Variants in CHIA observed in about 807,000 individuals in gnomAD.
CHIA encodes acidic mammalian chitinase.
Under a neutral mutation model 53.5 loss-of-function variants are expected in CHIA, and 47 were observed. That is an observed-to-expected ratio of 0.88 (90% CI 0.70 to 1.12). CHIA has a LOEUF of 1.12. CHIA is among the 50% of genes most tolerant of loss of function. The pLI, the probability that CHIA is intolerant of heterozygous loss-of-function variation, is 0.00. For missense variants in CHIA, 652 were observed against 592.2 expected, an observed-to-expected ratio of 1.10 and a Z score of -1.05; for synonymous variants, 268 against 222.2, an observed-to-expected ratio of 1.21 and a Z score of -1.83.
rs1322757317 is a variant in CHIA at position 111,318,562 on chromosome 1, T to C, written c.799T>C (p.Tyr267His). Residue 267 changes from tyrosine to histidine, a missense_variant, in exon 9 of 12, where the codon TAT becomes CAT. Physicochemically the swap from Tyr to His is moderately conservative, Grantham distance 83 (BLOSUM62 2). Coordinates refer to ENST00000369740, the MANE Select transcript of CHIA (RefSeq NM_201653.4). Reference sequence around the variant, plus strand: ...GAAGCTCATCGTTGGATTCCCTACCTATGGACACAACTTCATCCTGAGCAA... The same window carrying C: ...GAAGCTCATCGTTGGATTCCCTACCCATGGACACAACTTCATCCTGAGCAA... ...AEKLIVGFPT[Y>H]GHNFILSNPS... 6.2e-7 allele frequency: 1 copy of C among 1,614,078 alleles called. No homozygotes were observed. The highest frequency in any genetic ancestry group is 2.2e-5 in the East Asian group (1 of 44,890).
At position 111,312,363 on chromosome 1, in the gene CHIA, T is replaced by C; in HGVS notation, c.229T>C (p.Tyr77His). Residue 77 changes from tyrosine to histidine, a missense_variant, in exon 4 of 12, where the codon TAC becomes CAC. Coordinates refer to ENST00000369740, the MANE Select transcript of CHIA (RefSeq NM_201653.4). ...TTIEWNDVTL[Y>H]QAFNGLKNKN... ...CATCGAATGGAATGATGTGACTCTCTACCAAGCTTTCAATGGCCTGAAAAA... is the reference window on the plus strand; with the variant it reads ...CATCGAATGGAATGATGTGACTCTCCACCAAGCTTTCAATGGCCTGAAAAA... 1.9e-6 allele frequency: 3 copies of C among 1,614,172 alleles called. No individual in the cohort carries two copies. The highest frequency in any genetic ancestry group is 2.5e-6 in the Non-Finnish European group (3 of 1,180,000).
intron 1 of CHIA, among the ~76,000 whole-genome samples, chr1:111,301,428 G>A (rs1008109989): frequency 1.3e-4 from 19 of 151,924 alleles, no homozygotes; most frequent in Non-Finnish European, 2.2e-4. Context: ...GGCCGGGTGC[G>A]GTGGCTCACA....
intron 1 of CHIA, among the ~76,000 whole-genome samples, chr1:111,305,954 T>G (rs1164252170): frequency 3.9e-5 from 6 of 152,164 alleles, no homozygotes; most frequent in African/African-American, 1.4e-4. Flanking sequence ...AAGTAATAAA[T>G]AGAAGATGCA....
At chr1:111,291,662 G>A (rs1193854577) in intron 1 of CHIA, among the ~76,000 whole-genome samples, 1 of 151,880 alleles carries the variant, frequency 6.6e-6, no homozygotes, top group South Asian at 2.1e-4. Flanking sequence ...TTGTATCCTG[G>A]AACTTAAAGT....
chr1:111,320,191 C>A (rs769991985), intron 11 of CHIA, 22 bp from the exon 12 acceptor site: 1 of 1,608,240 alleles, frequency 6.2e-7, no homozygotes, highest in African/African-American at 1.3e-5. Context: ...CACTAGTCTG[C>A]TCTTACTGCT....
chr1:111,291,085 G>C (rs2101589444), intron 1 of CHIA, 135 bp downstream of exon 1: 1 of 300,044 alleles, frequency 3.3e-6, no homozygotes, highest in South Asian at 2.7e-5. Flanking sequence ...ATTTATGTGA[G>C]ATAAAGGTTG....
intron 1 of CHIA, among the ~76,000 whole-genome samples, chr1:111,309,731 G>T (rs12130874): frequency 0.11 from 16,199 of 152,192 alleles, 1,086 homozygotes; most frequent in Non-Finnish European, 0.15. Context: ...TTCCAGAAAC[G>T]GTCAAGTTGC....
chr1:111,299,695 C>T (rs946924129), intron 1 of CHIA, among the ~76,000 whole-genome samples: 5 of 152,190 alleles, frequency 3.3e-5, no homozygotes, highest in African/African-American at 1.2e-4. Flanking sequence ...GGGATGCCCT[C>T]TCTCACTACT....
At chr1:111,302,045 A>C (rs958700537) in intron 1 of CHIA, among the ~76,000 whole-genome samples, 61 of 152,216 alleles carry the variant, frequency 4.0e-4, no homozygotes, top group African/African-American at 1.5e-3. Flanking sequence ...CTAGAACTTA[A>C]AGTAAAATTT....
At position 111,317,929 on chromosome 1, in the gene CHIA, T is replaced by C. The variant is rs1055225429; in HGVS notation, c.606-57T>C. On this transcript the variant is annotated intron_variant, in intron 7 of 11. Coordinates refer to ENST00000369740, the MANE Select transcript of CHIA (RefSeq NM_201653.4). ...GACTTTAGAAGTGGTGTCCTGTGCC[T>C]GCATAGGTGTGGGAAATGACCATCA... 7.3e-5 allele frequency: 118 copies of C among 1,612,342 alleles called. No individual in the cohort carries two copies. In the East Asian group the frequency reaches 2.5e-3, roughly 34 times the overall value.
At chr1:111,311,641 G>A (rs776713639) in intron 2 of CHIA, 48 bp from the exon 3 acceptor site, 91 of 1,603,898 alleles carry the variant, frequency 5.7e-5, no homozygotes, top group Admixed American at 2.8e-4. Flanking sequence ...TAGATTCTAC[G>A]GGGTACAGAC....
At chr1:111,307,671 C>T (rs1254082352) in intron 1 of CHIA, among the ~76,000 whole-genome samples, 5 of 149,224 alleles carry the variant, frequency 3.4e-5, no homozygotes, top group Non-Finnish European at 7.4e-5. Context: ...GATGGATTCT[C>T]GCTGTCGTCA....
intron 1 of CHIA, among the ~76,000 whole-genome samples, chr1:111,302,916 T>G (rs1647876186): frequency 6.6e-6 from 1 of 152,172 alleles, no homozygotes; most frequent in Admixed American, 6.5e-5. Context: ...AGTTTTTGCT[T>G]CATATATTTT....
rs772979534 is a variant in CHIA, at chr1:111,319,165, C to T, written c.961C>T (p.Pro321Ser). The change falls in exon 10 of 12, where the codon CCT becomes TCT. Residue 321 changes from proline to serine, a missense_variant. Physicochemically the swap from Pro to Ser is moderately conservative, Grantham distance 74. Coordinates refer to ENST00000369740, the MANE Select transcript of CHIA (RefSeq NM_201653.4). ...KNGATQGWDA[P>S]QEVPYAYQGN... is the part of the protein sequence containing the mutation. ...TGGAGCCACTCAGGGATGGGATGCCCCTCAGGAAGTGCCTTATGCCTATCA... is the reference window on the plus strand; with the variant it reads ...TGGAGCCACTCAGGGATGGGATGCCTCTCAGGAAGTGCCTTATGCCTATCA... 1.4e-5 allele frequency: 22 copies of T among 1,614,156 alleles called. No individual in the cohort carries two copies. The South Asian group carries it at 1.8e-4, about 13-fold the overall frequency.
intron 1 of CHIA, among the ~76,000 whole-genome samples, chr1:111,305,376 C>A (rs968208072): frequency 1.4e-4 from 21 of 152,254 alleles, no homozygotes; most frequent in Admixed American, 1.4e-3. Context: ...TGACTGCCTA[C>A]CTCTTTGTCT....
intron 1 of CHIA, among the ~76,000 whole-genome samples, chr1:111,296,258 C>T (rs1436644286): frequency 6.6e-6 from 1 of 152,220 alleles, no homozygotes; most frequent in African/African-American, 2.4e-5. Context: ...ACTGCCTCCT[C>T]AAGTGGGTCC....
At chr1:111,310,711 C>T (rs942786766) in intron 2 of CHIA, among the ~76,000 whole-genome samples, 1 of 152,190 alleles carries the variant, frequency 6.6e-6, no homozygotes, top group Non-Finnish European at 1.5e-5. Context: ...TTTTGTTAAT[C>T]CCATGGACCT....
At position 111,319,159 on chromosome 1, in the gene CHIA, G is replaced by C. The variant is rs761418105; in HGVS notation, c.955G>C (p.Asp319His). The C allele has an allele frequency of 1.9e-6, 3 of 1,611,418 alleles. No homozygotes were observed. Among genetic ancestry groups the C allele is most frequent in the Non-Finnish European group, 2.5e-6 (3 of 1,179,988 alleles). Residue 319 changes from aspartate to histidine, a missense_variant, in exon 10 of 12, where the codon GAT becomes CAT. By Grantham distance (81) the Asp-to-His change is moderately conservative. Transcript: ENST00000369740. ...FLKNGATQGWDAPQEVPYAYQ... is the reference protein window; with the variant it reads ...FLKNGATQGWHAPQEVPYAYQ... Reference sequence around the variant, plus strand: ...GAAAAATGGAGCCACTCAGGGATGGGATGCCCCTCAGGAAGTGCCTTATGC... The same window carrying C: ...GAAAAATGGAGCCACTCAGGGATGGCATGCCCCTCAGGAAGTGCCTTATGC...
intron 1 of CHIA, among the ~76,000 whole-genome samples, chr1:111,291,831 G>A (rs1485560699): frequency 5.8e-5 from 3 of 51,458 alleles, no homozygotes; most frequent in African/African-American, 9.4e-5. Context: ...GGGGCCTGTC[G>A]GGGGGGGGTG....
Sources: allele counts gnomAD v4.1 joint callset (sites outside exome capture counted in the v4.1 genomes callset), GRCh38; gene constraint gnomAD v4.1.1; transcripts MANE v1.5; gene names NCBI Gene and HGNC (gene_info 2026-07-23, HGNC 2026-07-21).